The following PLAC1 variants were observed in gnomAD, a reference collection of about 807,000 sequenced individuals.
The protein encoded by PLAC1 is placenta-specific protein 1.
For synonymous variants in PLAC1, 68 were observed against 62.1 expected (o/e 1.09, Z -0.44); for missense variants, 136 against 163.2 (o/e 0.83, Z 0.91).
intron 1 of PLAC1, among the ~76,000 whole-genome samples, chrX:134,756,045 G>T (rs1268732462): frequency 1.9e-5 from 2 of 106,580 alleles, no homozygotes; most frequent in Admixed American, 1.0e-4. Context: ...TAGAGACGGG[G>T]TTTCACCGTG....
intron 2 of PLAC1, among the ~76,000 whole-genome samples, chrX:134,595,437 G>A (rs1260502176): frequency 9.1e-6 from 1 of 109,883 alleles, no homozygotes; most frequent in Non-Finnish European, 1.9e-5. Flanking sequence ...TTGTAAGAGA[G>A]GAGTGTTGAA....
intron 2 of PLAC1, among the ~76,000 whole-genome samples, chrX:134,721,857 C>T (rs868839140): frequency 2.7e-5 from 3 of 109,230 alleles, no homozygotes; most frequent in African/African-American, 6.7e-5. Context: ...AGCAAGACTC[C>T]GTCTCAAAAA....
intron 2 of PLAC1, among the ~76,000 whole-genome samples, chrX:134,691,020 A>G (rs1460981167): frequency 1.7e-5 from 1 of 58,138 alleles, no homozygotes; most frequent in African/African-American, 5.9e-5. Flanking sequence ...ATATATATAT[A>G]TGTATATATC....
chrX:134,633,231 T>C lies in PLAC1; in HGVS notation c.-131+25097A>G, dbSNP rs185592656. Among the ~76,000 whole-genome samples the C allele has an allele frequency of 4.4e-3, 490 of 111,695 alleles. 2 individuals are homozygous for C. Among genetic ancestry groups the C allele is most frequent in the African/African-American group, 0.015 (460 of 30,718 alleles). ...CATTTTCTTTTCACTGTGGTACTAA[T>C]AGGACTCCAACAAGCATGATCAATG... On this transcript the variant is annotated intron_variant, in intron 1 of 2. Transcript: ENST00000359237.
intron 1 of PLAC1, among the ~76,000 whole-genome samples, chrX:134,756,821 C>A (rs1460853996): frequency 1.8e-5 from 2 of 108,319 alleles, no homozygotes; most frequent in Non-Finnish European, 3.8e-5. Flanking sequence ...TGCACTCCAG[C>A]CTGGGGGAAA....
intron 1 of PLAC1, among the ~76,000 whole-genome samples, chrX:134,740,899 G>C (rs906931822): frequency 8.9e-6 from 1 of 111,993 alleles, no homozygotes; most frequent in African/African-American, 3.2e-5. Flanking sequence ...AGGAAGCACA[G>C]CCCTGCTGAC....
intron 1 of PLAC1, among the ~76,000 whole-genome samples, chrX:134,619,565 C>T (rs1222447448): frequency 9.3e-6 from 1 of 107,842 alleles, no homozygotes; most frequent in Non-Finnish European, 1.9e-5. Context: ...GCAGGAGAAG[C>T]GTTTGAACCT....
chrX:134,630,446 G>A (rs1336102699), intron 1 of PLAC1, among the ~76,000 whole-genome samples: 1 of 111,959 alleles, frequency 8.9e-6, no homozygotes, highest in Non-Finnish European at 1.9e-5. Flanking sequence ...GGGAACTAAA[G>A]AAAACTCTGG....
intron 2 of PLAC1, among the ~76,000 whole-genome samples, chrX:134,575,563 A>AT (rs2077934231): frequency 9.1e-6 from 1 of 109,471 alleles, no homozygotes; most frequent in East Asian, 2.9e-4. Context: ...AGGTCAGGAG[A>AT]TTGAGACCAT....
upstream of PLAC1, among the ~76,000 whole-genome samples, chrX:134,662,245 C>CA (rs987189456): frequency 1.3e-4 from 14 of 111,075 alleles, no homozygotes; most frequent in East Asian, 5.6e-4. Flanking sequence ...AAAACAAAAC[C>CA]AAAAAAACCC....
intron 1 of PLAC1, among the ~76,000 whole-genome samples, chrX:134,751,614 C>T (rs918880292): frequency 9.0e-6 from 1 of 111,648 alleles, no homozygotes; most frequent in Admixed American, 9.5e-5. Flanking sequence ...CCTCTCTATC[C>T]TGTTCCTCCC....
chrX:134,668,430 A>G (rs1475839889), intron 2 of PLAC1, among the ~76,000 whole-genome samples: 4 of 112,424 alleles, frequency 3.6e-5, no homozygotes, highest in Non-Finnish European at 7.5e-5. Flanking sequence ...ACCTAAAGTC[A>G]CACATCTATG....
At chrX:134,634,102 G>A (rs1255127471) in intron 1 of PLAC1, among the ~76,000 whole-genome samples, 1 of 111,840 alleles carries the variant, frequency 8.9e-6, no homozygotes, top group Non-Finnish European at 1.9e-5. Context: ...ATTATTATTG[G>A]ACTCTGTGGC....
chrX:134,713,004 AATT>A (rs2078632604), intron 2 of PLAC1, among the ~76,000 whole-genome samples: 1 of 112,271 alleles, frequency 8.9e-6, no homozygotes. Context: ...CTGGTACATT[AATT>A]ATTATCAGTA....
At chrX:134,593,642 A>T (rs1270629032) in intron 2 of PLAC1, among the ~76,000 whole-genome samples, 1 of 111,715 alleles carries the variant, frequency 9.0e-6, no homozygotes, top group Non-Finnish European at 1.9e-5. Context: ...TATACACCTA[A>T]GTCTTTTTTG....
chrX:134,706,631 C>T (rs1422153132), intron 2 of PLAC1, among the ~76,000 whole-genome samples: 4 of 111,858 alleles, frequency 3.6e-5, no homozygotes, highest in East Asian at 2.8e-4. Context: ...TACCTGTCAA[C>T]GATTTTAAAG....
rs11317429 is a variant in PLAC1, at chrX:134,621,444, C to CA, written c.-130-19323dup. Among the ~76,000 whole-genome samples the CA allele has an allele frequency of 7.7e-3, 262 of 33,863 alleles. 10 individuals are homozygous for CA. The highest frequency in any genetic ancestry group is 0.013 in the South Asian group (2 of 157). 29.4% of individuals were successfully genotyped at this position (33,863 alleles called of 115,157 possible). On this transcript the variant is annotated intron_variant, in intron 1 of 2. Transcript: ENST00000359237. Reference sequence around the variant, plus strand: ...CCGGGCAACAGAGCAGGCTCTGTCTCAAAAAAAAAAAAAAAAAAAAAAAAA... The same window carrying CA: ...CCGGGCAACAGAGCAGGCTCTGTCTCAAAAAAAAAAAAAAAAAAAAAAAAAA...
intron 1 of PLAC1, among the ~76,000 whole-genome samples, chrX:134,759,683 T>C: frequency 8.9e-6 from 1 of 111,820 alleles, no homozygotes; most frequent in Middle Eastern, 4.6e-3. Context: ...CATCAACAGA[T>C]GAATGGATAA....
chrX:134,646,364 C>A, intron 1 of PLAC1, among the ~76,000 whole-genome samples: 1 of 112,144 alleles, frequency 8.9e-6, no homozygotes, highest in East Asian at 2.8e-4. Flanking sequence ...TTCTAATTAC[C>A]CTTACTCAGC....
Sources: gnomAD v4.1 joint callset for allele counts (sites outside exome capture counted in the v4.1 genomes callset) on GRCh38, gnomAD v4.1.1 for gene constraint, MANE v1.5 for transcripts, NCBI Gene and HGNC (gene_info 2026-07-23, HGNC 2026-07-21) for gene names.